PRKAR2B: variants seen among roughly 807,000 people sequenced by gnomAD.
PRKAR2B encodes cAMP-dependent protein kinase type II-beta regulatory subunit.
A neutral mutation model predicts 49.9 loss-of-function variants in PRKAR2B; 14 were observed. The observed-to-expected ratio is 0.28, with a 90% CI of 0.19 to 0.44. PRKAR2B has a LOEUF of 0.44. Among genes scored for constraint, PRKAR2B ranks in the 20% least tolerant of loss-of-function variants. PRKAR2B has a pLI of 1.00. For missense variants in PRKAR2B, 393 were observed against 537.9 expected, an observed-to-expected ratio of 0.73 and a Z score of 2.67; for synonymous variants, 196 against 197.7, an observed-to-expected ratio of 0.99 and a Z score of 0.07.
rs116290565 is a variant in PRKAR2B, at chr7:107,147,501, A to G, written c.741+1040A>G. ...AGGATGCAAATTATTAGGCACTACTAAAGCTCCTTCTGGAGGATTGTATTT... is the reference window on the plus strand; with the variant it reads ...AGGATGCAAATTATTAGGCACTACTGAAGCTCCTTCTGGAGGATTGTATTT... On this transcript the variant is annotated intron_variant, in intron 6 of 10. Transcript: ENST00000265717. Among the ~76,000 whole-genome samples the G allele has an allele frequency of 4.6e-3, 704 of 152,356 alleles. 7 individuals are homozygous for G. The highest frequency in any genetic ancestry group is 0.017 in the African/African-American group (687 of 41,580).
intron 2 of PRKAR2B, among the ~76,000 whole-genome samples, chr7:107,114,515 C>T (rs906749301): frequency 6.7e-6 from 1 of 148,390 alleles, no homozygotes; most frequent in Non-Finnish European, 1.5e-5. Context: ...GCACGCACCA[C>T]CATGCCCGGT....
chr7:107,104,094 C>T (rs756546557), intron 2 of PRKAR2B, among the ~76,000 whole-genome samples: 1 of 152,082 alleles, frequency 6.6e-6, no homozygotes, highest in Admixed American at 6.5e-5. Context: ...TGCAGTGGCA[C>T]GATCTCGGCT....
intron 1 of PRKAR2B, among the ~76,000 whole-genome samples, chr7:107,045,504 G>C (rs566942050): frequency 1.2e-4 from 19 of 152,322 alleles, no homozygotes; most frequent in Non-Finnish European, 2.5e-4. Flanking sequence ...GGCCGGTTGG[G>C]GTGGGCATCT....
At chr7:107,134,746 T>C (rs938362290) in intron 4 of PRKAR2B, among the ~76,000 whole-genome samples, 1 of 152,192 alleles carries the variant, frequency 6.6e-6, no homozygotes, top group African/African-American at 2.4e-5. Flanking sequence ...AGAAAAAGAA[T>C]AGTTTCTTCA....
At position 107,090,240 on chromosome 7, in the gene PRKAR2B, C is replaced by T. The variant is rs530970618; in HGVS notation, c.343+19924C>T. 4.6e-5 allele frequency among the ~76,000 whole-genome samples: 7 copies of T among 152,282 alleles called. No individual in the cohort carries two copies. In the South Asian group the frequency reaches 1.2e-3, roughly 27 times the overall value. On this transcript the variant is annotated intron_variant, in intron 2 of 10. Coordinates refer to ENST00000265717, the MANE Select transcript of PRKAR2B (RefSeq NM_002736.3). ...GTTTTGAGCCCTGTTAGGAATCTCT[C>T]CATCTCTTGCCTCTGATTCTCTCTT... is the stretch of plus-strand genomic sequence containing the variant.
chr7:107,138,870 G>A (rs1795745647), intron 4 of PRKAR2B, among the ~76,000 whole-genome samples: 1 of 151,734 alleles, frequency 6.6e-6, no homozygotes, highest in Non-Finnish European at 1.5e-5. Flanking sequence ...GTAGAGACGG[G>A]GTTTTGCCAT....
intron 2 of PRKAR2B, among the ~76,000 whole-genome samples, chr7:107,101,705 C>T (rs1358078271): frequency 6.6e-6 from 1 of 152,098 alleles, no homozygotes; most frequent in African/African-American, 2.4e-5. Context: ...TTAGCCTCTT[C>T]CTGCAAAGCT....
intron 2 of PRKAR2B, among the ~76,000 whole-genome samples, chr7:107,096,684 G>C (rs2116807294): frequency 6.6e-6 from 1 of 152,288 alleles, no homozygotes; most frequent in East Asian, 1.9e-4. Context: ...TGCTTTAAAT[G>C]TGTCCCAGAG....
At chr7:107,063,871 C>G (rs1010659279) in intron 1 of PRKAR2B, among the ~76,000 whole-genome samples, 1 of 152,194 alleles carries the variant, frequency 6.6e-6, no homozygotes, top group Non-Finnish European at 1.5e-5. Flanking sequence ...CAGCTTCCAG[C>G]TTTTCCGGTG....
chr7:107,123,410 A>G (rs1455646842), intron 3 of PRKAR2B, among the ~76,000 whole-genome samples: 2 of 152,150 alleles, frequency 1.3e-5, no homozygotes, highest in Admixed American at 1.3e-4. Flanking sequence ...CCCTATGGAG[A>G]CAAATGTGAA....
chr7:107,146,333 T>C lies in PRKAR2B; in HGVS notation c.613T>C (p.Cys205Arg), dbSNP rs761724038. 2 of 1,614,098 alleles carry C rather than the reference T, an allele frequency of 1.2e-6. No homozygotes were observed. Among genetic ancestry groups the C allele is most frequent in the South Asian group, 1.1e-5 (1 of 91,062 alleles). The change falls in exon 6 of 11, where the codon TGT (cysteine) becomes CGT (arginine). Residue 205 changes from cysteine (C) to arginine (R), a missense_variant. Coordinates refer to ENST00000265717, the MANE Select transcript of PRKAR2B (RefSeq NM_002736.3). Reference sequence around the variant, plus strand: ...AGGCACATTTGATATTTATGTGAAATGTGATGGTGTTGGAAGATGTGTTGG... The same window carrying C: ...AGGCACATTTGATATTTATGTGAAACGTGATGGTGTTGGAAGATGTGTTGG... Reference protein sequence around the residue: ...DRGTFDIYVKCDGVGRCVGNY... With the variant: ...DRGTFDIYVKRDGVGRCVGNY...
intron 4 of PRKAR2B, among the ~76,000 whole-genome samples, chr7:107,135,065 C>T (rs1280909650): frequency 6.6e-6 from 1 of 151,008 alleles, no homozygotes; most frequent in Non-Finnish European, 1.5e-5. Flanking sequence ...AATTATTTGC[C>T]AATCATATAT....
intron 3 of PRKAR2B, among the ~76,000 whole-genome samples, chr7:107,126,226 T>C (rs1177410278): frequency 7.9e-6 from 1 of 126,786 alleles, no homozygotes; most frequent in East Asian, 2.2e-4. Flanking sequence ...AACCCGTCTC[T>C]ACTAAAAATA....
intron 2 of PRKAR2B, among the ~76,000 whole-genome samples, chr7:107,119,525 A>G (rs1435465105): frequency 6.6e-6 from 1 of 152,234 alleles, no homozygotes; most frequent in Non-Finnish European, 1.5e-5. Context: ...ACAGAAAGTT[A>G]GAGAGCCAAG....
At chr7:107,120,223 A>C (rs1483595283) in intron 2 of PRKAR2B, among the ~76,000 whole-genome samples, 2 of 152,144 alleles carry the variant, frequency 1.3e-5, no homozygotes, top group East Asian at 3.9e-4. Context: ...TGTTCGGTGC[A>C]TCATAGAATG....
At chr7:107,146,513 T>C in intron 6 of PRKAR2B, 52 bp downstream of exon 6, 1 of 1,548,462 alleles carries the variant, frequency 6.5e-7, no homozygotes. Flanking sequence ...GCAATTGCTA[T>C]GACGGTGTTA....
Position 107,153,197 on chromosome 7 carries a change from A to G in PRKAR2B, c.864A>G (p.Val288=). 6.2e-7 allele frequency: 1 copy of G among 1,609,402 alleles called. No homozygotes were observed. The highest frequency in any genetic ancestry group is 1.1e-5 in the South Asian group (1 of 89,928). Residue 288 remains valine, a synonymous_variant, in exon 8 of 11, where the codon GTA becomes GTG. Transcript: ENST00000265717. The part of the protein sequence containing the change: ...KSLEFSERLK[V]VDVIGTKVYN... The stretch of plus-strand genomic sequence containing the variant: ...TGTAGTTTTCTGAACGCCTGAAAGT[A>G]GTAGATGTGATAGGCACCAAAGTAT...
intron 3 of PRKAR2B, among the ~76,000 whole-genome samples, chr7:107,124,087 T>A (rs1192863207): frequency 1.3e-5 from 2 of 152,232 alleles, no homozygotes; most frequent in Non-Finnish European, 2.9e-5. Context: ...TTGTATTACT[T>A]CTGAGACTCA....
At position 107,151,656 on chromosome 7, in the gene PRKAR2B, C is replaced by G. The variant is rs146280194; in HGVS notation, c.843+633C>G. Among the ~76,000 whole-genome samples the G allele has an allele frequency of 4.4e-3, 677 of 152,262 alleles. 4 individuals are homozygous for G. The highest frequency in any genetic ancestry group is 3.7e-3 in the Non-Finnish European group (250 of 68,022). Reference sequence around the variant, plus strand: ...CTCAGCCTAGCCTACCTGAAACATGCTTAGGACACTCACATCAGCCTACAG... The same window carrying G: ...CTCAGCCTAGCCTACCTGAAACATGGTTAGGACACTCACATCAGCCTACAG... On this transcript the variant is annotated intron_variant, in intron 7 of 10. Coordinates refer to ENST00000265717, the MANE Select transcript of PRKAR2B (RefSeq NM_002736.3).
Sources: gnomAD v4.1 joint callset for allele counts (sites outside exome capture counted in the v4.1 genomes callset) on GRCh38, gnomAD v4.1.1 for gene constraint, MANE v1.5 for transcripts, NCBI Gene and HGNC (gene_info 2026-07-23, HGNC 2026-07-21) for gene names.